CCNY: variants seen among roughly 807,000 people sequenced by gnomAD.
CCNY encodes the protein cyclin Y, also known as cyclin-Y.
Under a neutral mutation model 42.8 loss-of-function variants are expected in CCNY, and 19 were observed. The ratio of observed to expected loss-of-function variants is 0.44; its 90% CI spans 0.31 to 0.65. The LOEUF (loss-of-function observed/expected upper bound fraction) is 0.65. Among genes scored for constraint, CCNY ranks in the 30% least tolerant of loss-of-function variants. The pLI is 0.07. For missense variants in CCNY, 370 were observed against 437.3 expected, an observed-to-expected ratio of 0.85 and a Z score of 1.37; for synonymous variants, 165 against 162.7, an observed-to-expected ratio of 1.01 and a Z score of -0.11.
chr10:35,461,840 G>T (rs544319743), intron 1 of CCNY, among the ~76,000 whole-genome samples: 2 of 152,262 alleles, frequency 1.3e-5, no homozygotes, highest in Non-Finnish European at 2.9e-5. Flanking sequence ...AGGTATCTCA[G>T]TGTTAGCATC....
At chr10:35,421,877 T>A (rs1838166334) in intron 1 of CCNY, among the ~76,000 whole-genome samples, 1 of 152,198 alleles carries the variant, frequency 6.6e-6, no homozygotes. Context: ...GTGGGCCAGA[T>A]ATGGTTCTCA....
At chr10:35,363,558 G>A (rs908879144) in intron 1 of CCNY, among the ~76,000 whole-genome samples, 2 of 152,190 alleles carry the variant, frequency 1.3e-5, no homozygotes, top group African/African-American at 4.8e-5. Context: ...CTGGAGATGT[G>A]GGAACTAGAT....
chr10:35,465,908 AG>A (rs1839250529), intron 1 of CCNY, among the ~76,000 whole-genome samples: 1 of 14,156 alleles, frequency 7.1e-5, no homozygotes, highest in African/African-American at 1.9e-4. Context: ...TAGGGGGAAG[AG>A]AGAGAGAGAG....
rs180864246 is a variant in CCNY, at chr10:35,385,288, A to G, written c.154+48081A>G. ...AGCCCTAATTTGCAGAAGGTGATTA[A>G]CCCAGAGCAGGGATATGCGAGTGGT... On this transcript the variant is annotated intron_variant, in intron 1 of 9. Transcript: ENST00000374704. Among the ~76,000 whole-genome samples the G allele has an allele frequency of 1.6e-4, 25 of 152,298 alleles. No homozygotes were observed. The East Asian group carries it at 2.5e-3, about 15-fold the overall frequency.
chr10:35,469,936 A>G (rs56198075), intron 1 of CCNY, among the ~76,000 whole-genome samples: 7,190 of 76,098 alleles, frequency 0.094, 1,585 homozygotes, highest in Non-Finnish European at 0.17. Context: ...AGATAGGGCA[A>G]TGGAGAGACA....
intron 1 of CCNY, among the ~76,000 whole-genome samples, chr10:35,351,395 T>C (rs1836427020): frequency 6.6e-6 from 1 of 152,216 alleles, no homozygotes; most frequent in African/African-American, 2.4e-5. Context: ...CAAAGTGACT[T>C]TAAGTACTGT....
intron 8 of CCNY, among the ~76,000 whole-genome samples, chr10:35,554,785 T>C (rs542307598): frequency 1.3e-5 from 2 of 152,366 alleles, no homozygotes; most frequent in East Asian, 3.9e-4. Context: ...TATTTTGATT[T>C]GTATCCTAAC....
intron 3 of CCNY, among the ~76,000 whole-genome samples, chr10:35,510,791 C>T (rs973884639): frequency 3.9e-5 from 6 of 152,294 alleles, no homozygotes; most frequent in South Asian, 2.1e-4. Context: ...TAATTAATTA[C>T]GAAAGGGGTT....
intron 1 of CCNY, among the ~76,000 whole-genome samples, chr10:35,466,352 A>G (rs1839269625): frequency 6.6e-6 from 1 of 152,158 alleles, no homozygotes; most frequent in South Asian, 2.1e-4. Context: ...CAAGCCTGGG[A>G]AAAACTGAAA....
At chr10:35,510,734 A>T (rs555156579) in intron 3 of CCNY, among the ~76,000 whole-genome samples, 1 of 152,316 alleles carries the variant, frequency 6.6e-6, no homozygotes, top group South Asian at 2.1e-4. Context: ...TGATGAAGAC[A>T]TTGAAGCTTG....
intron 1 of CCNY, among the ~76,000 whole-genome samples, chr10:35,397,226 T>C (rs945584807): frequency 2.0e-5 from 3 of 152,258 alleles, no homozygotes; most frequent in Non-Finnish European, 4.4e-5. Context: ...GAAGTTGTTC[T>C]GGTAGCCGGC....
chr10:35,352,956 C>T (rs1380645583), intron 1 of CCNY, among the ~76,000 whole-genome samples: 1 of 152,178 alleles, frequency 6.6e-6, no homozygotes, highest in African/African-American at 2.4e-5. Context: ...GATAGGGTCT[C>T]ACTCTGTAAC....
intron 1 of CCNY, among the ~76,000 whole-genome samples, chr10:35,345,539 G>A (rs1419827463): frequency 2.0e-5 from 3 of 151,570 alleles, no homozygotes; most frequent in Admixed American, 6.6e-5. Context: ...AGGCTAAAAT[G>A]CTTAAAAAGC....
intron 7 of CCNY, among the ~76,000 whole-genome samples, chr10:35,550,411 A>C (rs1241095207): frequency 6.6e-6 from 1 of 151,912 alleles, no homozygotes; most frequent in African/African-American, 2.4e-5. Flanking sequence ...TTTTATCCTT[A>C]ATCTGCCCGG....
At chr10:35,507,426 C>G (rs11595699) in intron 3 of CCNY, among the ~76,000 whole-genome samples, 42,731 of 152,076 alleles carry the variant, frequency 0.28, 6,385 homozygotes, top group East Asian at 0.35. Flanking sequence ...TCTGCACATC[C>G]TTGGTCATTG....
At chr10:35,300,693 G>A (rs989745266) in intron 3 of CCNY, among the ~76,000 whole-genome samples, 2 of 152,108 alleles carry the variant, frequency 1.3e-5, no homozygotes, top group Non-Finnish European at 2.9e-5. Flanking sequence ...GGTTACATGT[G>A]CTTGCAGACA....
chr10:35,293,780 T>C (rs1486880268), intron 3 of CCNY, among the ~76,000 whole-genome samples: 3 of 151,740 alleles, frequency 2.0e-5, no homozygotes, highest in African/African-American at 7.3e-5. Context: ...TGTACAGACA[T>C]ACAATTGATT....
At chr10:35,275,702 G>A (rs1324185974) in intron 3 of CCNY, among the ~76,000 whole-genome samples, 2 of 151,840 alleles carry the variant, frequency 1.3e-5, no homozygotes, top group Admixed American at 6.6e-5. Context: ...GGCGGAGCTT[G>A]CAGTGAGCTG....
chr10:35,394,389 G>A (rs751250463), intron 1 of CCNY, among the ~76,000 whole-genome samples: 20 of 152,252 alleles, frequency 1.3e-4, no homozygotes, highest in Non-Finnish European at 2.1e-4. Flanking sequence ...AAAGAATTTC[G>A]CGCTGTGAAA....
Sources: gnomAD v4.1 joint callset for allele counts (sites outside exome capture counted in the v4.1 genomes callset) on GRCh38, gnomAD v4.1.1 for gene constraint, MANE v1.5 for transcripts, NCBI Gene and HGNC (gene_info 2026-07-23, HGNC 2026-07-21) for gene names.